NCAM2: variants seen among roughly 807,000 people sequenced by gnomAD.
NCAM2 encodes the protein neural cell adhesion molecule 2.
A neutral mutation model predicts 98.1 loss-of-function variants in NCAM2; 30 were observed. The ratio of observed to expected loss-of-function variants is 0.31; its 90% CI spans 0.23 to 0.41. The LOEUF (loss-of-function observed/expected upper bound fraction) is 0.41, where lower values mean the gene tolerates loss of function less well. Ranked by LOEUF, NCAM2 falls within the 10% of genes least tolerant of loss-of-function variation. NCAM2 has a pLI of 1.00. For missense variants in NCAM2, 867 were observed against 1,005.8 expected (o/e 0.86, Z 1.87); for synonymous variants, 368 against 342.4 (o/e 1.07, Z -0.83).
chr21:21,369,585 C>T (rs1475603348), intron 8 of NCAM2, among the ~76,000 whole-genome samples: 1 of 151,746 alleles, frequency 6.6e-6, no homozygotes, highest in Non-Finnish European at 1.5e-5. Context: ...CATGAGGGTG[C>T]CAATTTCTTC....
Position 21,418,562 on chromosome 21 carries a change from T to G in NCAM2, c.1473T>G (p.Ala491=). ...CAAGATTTCAAGAATATATTCTTGC[T>G]TTGGCTGGTAAGTATAGCACAATAA... The part of the protein sequence containing the change: ...IGTRFQEYIL[A]LADVPSSPYG... Residue 491 remains alanine (A), a synonymous_variant, in exon 11 of 18, where the codon GCT becomes GCG. Coordinates refer to ENST00000400546, the MANE Select transcript of NCAM2 (RefSeq NM_004540.5). 3 of 1,599,026 alleles carry G rather than the reference T, an allele frequency of 1.9e-6. No homozygotes were observed. The highest frequency in any genetic ancestry group is 2.6e-6 in the Non-Finnish European group (3 of 1,166,464).
At chr21:21,146,925 T>G (rs11908953) in intron 1 of NCAM2, among the ~76,000 whole-genome samples, 27 of 150,438 alleles carry the variant, frequency 1.8e-4, no homozygotes, top group African/African-American at 1.5e-4. Flanking sequence ...CCGGAACTCA[T>G]ACCGCTGCCT....
chr21:21,340,499 G>A (rs1046857839), intron 8 of NCAM2, among the ~76,000 whole-genome samples: 1 of 151,888 alleles, frequency 6.6e-6, no homozygotes, highest in Non-Finnish European at 1.5e-5. Context: ...TTCCTAAGGA[G>A]TATATTAAAA....
intron 1 of NCAM2, among the ~76,000 whole-genome samples, chr21:21,046,852 G>T (rs2030258262): frequency 6.6e-6 from 1 of 152,114 alleles, no homozygotes. Context: ...TGAGAAAAAA[G>T]CAGACAAGCA....
chr21:21,530,604 T>G (rs1044696057), intron 16 of NCAM2, among the ~76,000 whole-genome samples: 2 of 151,550 alleles, frequency 1.3e-5, no homozygotes, highest in African/African-American at 2.4e-5. Flanking sequence ...TATACATATA[T>G]AAATTTTAGC....
At chr21:21,232,875 C>T (rs971158186) in intron 1 of NCAM2, among the ~76,000 whole-genome samples, 17 of 151,544 alleles carry the variant, frequency 1.1e-4, no homozygotes, top group African/African-American at 4.1e-4. Flanking sequence ...TATTTAATTA[C>T]AAAATGGTTT....
chr21:21,234,268 A>G (rs1379312721), intron 1 of NCAM2, among the ~76,000 whole-genome samples: 2 of 151,652 alleles, frequency 1.3e-5, no homozygotes, highest in Non-Finnish European at 3.0e-5. Context: ...GGAACCCTTC[A>G]CTCATGAACT....
chr21:21,332,037 C>T (rs1014824842), intron 6 of NCAM2, among the ~76,000 whole-genome samples: 8 of 151,914 alleles, frequency 5.3e-5, no homozygotes, highest in East Asian at 1.9e-4. Context: ...CAAGTAGCTG[C>T]GACTACAGGC....
chr21:21,274,809 T>C (rs1317649248), intron 1 of NCAM2, among the ~76,000 whole-genome samples: 1 of 152,168 alleles, frequency 6.6e-6, no homozygotes, highest in Non-Finnish European at 1.5e-5. Flanking sequence ...TCCACATGTC[T>C]TATGAAATTC....
intron 1 of NCAM2, among the ~76,000 whole-genome samples, chr21:21,029,804 G>GTA (rs1220605860): frequency 1.3e-5 from 2 of 151,484 alleles, no homozygotes; most frequent in African/African-American, 4.9e-5. Flanking sequence ...CTAATTTTTT[G>GTA]TATTTTTAGT....
chr21:21,068,135 C>CTTT (rs68078560), intron 1 of NCAM2, among the ~76,000 whole-genome samples: 5 of 88,554 alleles, frequency 5.6e-5, no homozygotes, highest in African/African-American at 8.1e-5. Context: ...ACTTTTTTTT[C>CTTT]TTTTTTTTTT....
At chr21:21,264,340 A>C (rs1263854804) in intron 1 of NCAM2, among the ~76,000 whole-genome samples, 1 of 152,116 alleles carries the variant, frequency 6.6e-6, no homozygotes, top group East Asian at 1.9e-4. Context: ...AAAAGTCAAA[A>C]ACTAACAGAT....
chr21:21,253,809 A>G (rs150220645), intron 1 of NCAM2, among the ~76,000 whole-genome samples: 111 of 152,284 alleles, frequency 7.3e-4, no homozygotes, highest in African/African-American at 1.6e-3. Context: ...TATCAGGGAA[A>G]TCGCTTAAAC....
At chr21:21,492,379 G>C (rs1413455657) in intron 15 of NCAM2, among the ~76,000 whole-genome samples, 1 of 151,850 alleles carries the variant, frequency 6.6e-6, no homozygotes, top group Non-Finnish European at 1.5e-5. Context: ...GAAAGGCTAT[G>C]TGTACAACAA....
intron 1 of NCAM2, among the ~76,000 whole-genome samples, chr21:21,109,265 T>G (rs772820419): frequency 2.0e-5 from 3 of 152,132 alleles, no homozygotes; most frequent in Non-Finnish European, 4.4e-5. Flanking sequence ...CTGTACTGAC[T>G]GGAAACTCTT....
intron 1 of NCAM2, among the ~76,000 whole-genome samples, chr21:21,065,273 A>G (rs578201265): frequency 2.0e-5 from 3 of 152,262 alleles, no homozygotes; most frequent in East Asian, 3.9e-4. Flanking sequence ...TAAGCCAATA[A>G]TACTTCCTTT....
chr21:21,232,536 T>G (rs991205210), intron 1 of NCAM2, among the ~76,000 whole-genome samples: 1 of 151,544 alleles, frequency 6.6e-6, no homozygotes, highest in Non-Finnish European at 1.5e-5. Context: ...GGCAGTTTGC[T>G]TCTCTTCTGG....
chr21:21,513,988 T>C (rs1385585120), intron 16 of NCAM2, among the ~76,000 whole-genome samples: 1 of 152,006 alleles, frequency 6.6e-6, no homozygotes, highest in Non-Finnish European at 1.5e-5. Context: ...AGCATTTTAG[T>C]CATTTTCTAT....
chr21:21,477,559 TAAAAC>T (rs1985327894), intron 15 of NCAM2, 88 bp downstream of exon 15: 2 of 1,025,890 alleles, frequency 1.9e-6, no homozygotes, highest in South Asian at 5.5e-5. Context: ...TATTAATAAT[TAAAAC>T]AAACTGAAAT....
Sources: gnomAD v4.1 joint callset for allele counts (sites outside exome capture counted in the v4.1 genomes callset) on GRCh38, gnomAD v4.1.1 for gene constraint, MANE v1.5 for transcripts, NCBI Gene and HGNC (gene_info 2026-07-23, HGNC 2026-07-21) for gene names.